FCRL3: variants seen among roughly 807,000 people sequenced by gnomAD.
FCRL3 encodes Fc receptor-like protein 3.
A neutral mutation model predicts 75.0 loss-of-function variants in FCRL3; 89 were observed. The observed-to-expected ratio is 1.19, with a 90% confidence interval of 1.00 to 1.42. The LOEUF (loss-of-function observed/expected upper bound fraction) is 1.42. Ranked by LOEUF, FCRL3 falls within the 40% of genes most tolerant of loss-of-function variation. The probability of loss-of-function intolerance (pLI) is 0.00; values close to 1 mark genes in which losing one functional copy is unlikely to be tolerated. For synonymous variants in FCRL3, 376 were observed against 348.5 expected (o/e 1.08, Z -0.88); for missense variants, 946 against 880.0 (o/e 1.07, Z -0.95).
At chr1:157,681,314 T>C (rs7546376) in intron 11 of FCRL3, among the ~76,000 whole-genome samples, 43,979 of 150,646 alleles carry the variant, frequency 0.29, 7,266 homozygotes, top group African/African-American at 0.45. Flanking sequence ...CATATGTATA[T>C]ATGTGCCATG....
At chr1:157,681,878 A>T (rs1415487507) in intron 11 of FCRL3, among the ~76,000 whole-genome samples, 1 of 151,918 alleles carries the variant, frequency 6.6e-6, no homozygotes, top group African/African-American at 2.4e-5. Context: ...AAGTGTTCCT[A>T]TTTCTCCACA....
intron 8 of FCRL3, among the ~76,000 whole-genome samples, chr1:157,693,490 A>G (rs1384742034): frequency 6.6e-6 from 1 of 152,130 alleles, no homozygotes; most frequent in Non-Finnish European, 1.5e-5. Context: ...TATATTGGTA[A>G]GATAAAGCTT....
In FCRL3 at chr1:157,678,060, G is replaced by A. The variant is rs184339431; in HGVS notation, c.*650C>T. The A allele has an allele frequency of 1.0e-6, 1 of 985,610 alleles. No individual in the cohort carries two copies. The highest frequency in any genetic ancestry group is 1.1e-4 in the East Asian group (1 of 8,822). 61.1% of individuals were successfully genotyped at this position (985,610 alleles called of 1,614,324 possible). The stretch of plus-strand genomic sequence containing the variant: ...ATTAATGTGATTCTTCACACATAAG[G>A]TCTTTGCAGTGGGGATACAAGTCAC... On this transcript the variant is annotated 3_prime_UTR_variant, in exon 15 of 15. Coordinates refer to ENST00000368184, the MANE Select transcript of FCRL3 (RefSeq NM_052939.4).
intron 11 of FCRL3, among the ~76,000 whole-genome samples, chr1:157,682,857 A>T (rs1030979369): frequency 7.9e-5 from 12 of 152,210 alleles, no homozygotes; most frequent in African/African-American, 4.8e-5. Context: ...CATTGCCAGC[A>T]TTCAATAATA....
Position 157,697,366 on chromosome 1 carries a change from G to C in FCRL3, c.618C>G (p.Pro206=), listed in dbSNP as rs774166384. The change falls in exon 6 of 15, where the codon CCC becomes CCG. Residue 206 remains proline, a synonymous_variant. Coordinates refer to ENST00000368184, the MANE Select transcript of FCRL3 (RefSeq NM_052939.4). ...ASSSTPIEGS[P]MTLTCETQLS... The stretch of plus-strand genomic sequence containing the variant: ...GCTGGGTCTCACAGGTCAGGGTCAT[G>C]GGACTCCCCTCTATGGGCGTGGAAG... 1.9e-6 allele frequency: 3 copies of C among 1,593,174 alleles called. No individual in the cohort carries two copies. Among genetic ancestry groups the C allele is most frequent in the African/African-American group, 2.7e-5 (2 of 74,048 alleles).
rs1438521660 is a variant in FCRL3, at chr1:157,698,501, C to CGT, written c.179_180dup (p.Asp61ThrfsTer6). ...TGTTTTATTTTCAACAACTTCTCAT[C>CGT]GTGATACCAATATGTGTCTCCCTGG... On this transcript the variant is annotated frameshift_variant, in exon 4 of 15. Transcript: ENST00000368184. LOFTEE classifies it high-confidence loss of function. 2 of 1,614,070 alleles carry CGT rather than the reference C, an allele frequency of 1.2e-6. No homozygotes were observed. Among genetic ancestry groups the CGT allele is most frequent in the African/African-American group, 2.7e-5 (2 of 74,924 alleles).
chr1:157,696,508 C>T (rs768507450), intron 6 of FCRL3, 181 bp from the exon 7 acceptor site: 16 of 603,986 alleles, frequency 2.6e-5, no homozygotes, highest in Non-Finnish European at 3.7e-5. Flanking sequence ...CTCTCACTCC[C>T]ACAACATTCC....
At chr1:157,681,300 G>A (rs1308187067) in intron 11 of FCRL3, among the ~76,000 whole-genome samples, 2 of 151,330 alleles carry the variant, frequency 1.3e-5, no homozygotes, top group Non-Finnish European at 2.9e-5. Context: ...GTGCAGGTTT[G>A]TTACATATGT....
At position 157,695,377 on chromosome 1, in the gene FCRL3, T is replaced by A. The variant is rs756403772; in HGVS notation, c.1363A>T (p.Asn455Tyr). 6.2e-7 allele frequency: 1 copy of A among 1,614,136 alleles called. No homozygotes were observed. Among genetic ancestry groups the A allele is most frequent in the Admixed American group, 1.7e-5 (1 of 60,010 alleles). ...HSGNYSCDADNGLGAQHSHGV... is the reference protein window; with the variant it reads ...HSGNYSCDADYGLGAQHSHGV... The stretch of plus-strand genomic sequence containing the variant: ...TGACTGTGCTGGGCCCCCAGGCCAT[T>A]GTCTGCATCACAGGAGTAGTTTCCA... Residue 455 changes from asparagine (N) to tyrosine (Y), a missense_variant, in exon 8 of 15, where the codon AAT becomes TAT. Asn to Tyr is a moderately radical substitution (Grantham distance 143). Transcript: ENST00000368184.
At chr1:157,690,107 A>G (rs943075847) in intron 9 of FCRL3, 148 bp downstream of exon 9, 3 of 1,298,168 alleles carry the variant, frequency 2.3e-6, no homozygotes, top group African/African-American at 1.5e-5. Flanking sequence ...TCCCTCTCCC[A>G]TATAAAATCA....
At chr1:157,697,525 C>G in intron 5 of FCRL3, 101 bp from the exon 6 acceptor site, 1 of 1,466,972 alleles carries the variant, frequency 6.8e-7, no homozygotes, top group Non-Finnish European at 9.2e-7. Flanking sequence ...GATAGAGAAG[C>G]ATGCAGAAGG....
At chr1:157,700,378 C>A in intron 2 of FCRL3, 81 bp downstream of exon 2, 1 of 1,603,720 alleles carries the variant, frequency 6.2e-7, no homozygotes, top group Non-Finnish European at 8.5e-7. Flanking sequence ...CAAGTAGAAG[C>A]AGAGATAGAA....
intron 3 of FCRL3, among the ~76,000 whole-genome samples, chr1:157,699,479 G>A (rs1325706959): frequency 4.6e-5 from 7 of 150,878 alleles, no homozygotes; most frequent in Admixed American, 4.6e-4. Context: ...CCTGTAGTCT[G>A]AGGAATACCG....
chr1:157,689,985 T>C (rs1655413374), intron 9 of FCRL3, 68 bp from the exon 10 acceptor site: 1 of 1,599,494 alleles, frequency 6.3e-7, no homozygotes, highest in Non-Finnish European at 8.6e-7. Flanking sequence ...ATCATGCAAG[T>C]AGGGTGAGTG....
Position 157,699,502 on chromosome 1 carries a change from G to GA in FCRL3, c.52+189dup, listed in dbSNP as rs74599050. ...CTGAGGAATACCGGTAATGTAGGGAGAAAAAAAAAAAAAAACCTAGAGACT... is the reference window on the plus strand; with the variant it reads ...CTGAGGAATACCGGTAATGTAGGGAGAAAAAAAAAAAAAAAACCTAGAGACT... On this transcript the variant is annotated intron_variant, in intron 3 of 14. Coordinates refer to ENST00000368184, the MANE Select transcript of FCRL3 (RefSeq NM_052939.4). Among the ~76,000 whole-genome samples the GA allele has an allele frequency of 5.0e-3, 656 of 131,404 alleles. 3 individuals carry two copies. Among genetic ancestry groups the GA allele is most frequent in the Middle Eastern group, 0.023 (6 of 256 alleles). The allele number at this position is 131,404 out of a possible 152,430, so 86.2% of individuals were successfully genotyped here. A position where few individuals can be genotyped will look rare whatever the true frequency, so the allele number is the denominator to read the frequency against.
In FCRL3 at chr1:157,677,709, C is replaced by G. The variant is rs894644407; in HGVS notation, c.*1001G>C. ...ACAATATGGATGAATCTTAGAAATA[C>G]AACATGAAGAGAAAGTACTAAAAAA... On this transcript the variant is annotated 3_prime_UTR_variant, in exon 15 of 15. Coordinates refer to ENST00000368184, the MANE Select transcript of FCRL3 (RefSeq NM_052939.4). 4.2e-6 allele frequency: 3 copies of G among 717,058 alleles called. No homozygotes were observed. Among genetic ancestry groups the G allele is most frequent in the Non-Finnish European group, 5.1e-6 (3 of 585,664 alleles). The allele number at this position is 717,058 out of a possible 1,614,324, so 44.4% of individuals were successfully genotyped here.
At position 157,700,500 on chromosome 1, in the gene FCRL3, C is replaced by T. The variant is rs945635; in HGVS notation, c.-11G>A. ...CAGCCACAGAAGCATGGGCACCGGC[C>T]GGGCAGAGGGTTGGGAAAGTCTGTC... On this transcript the variant is annotated 5_prime_UTR_variant, in exon 2 of 15. Coordinates refer to ENST00000368184, the MANE Select transcript of FCRL3 (RefSeq NM_052939.4). The T allele has an allele frequency of 1.9e-6, 3 of 1,613,706 alleles. No homozygotes were observed. Among genetic ancestry groups the T allele is most frequent in the Middle Eastern group, 1.6e-4 (1 of 6,062 alleles).
At chr1:157,699,322 G>A (rs1031560678) in intron 3 of FCRL3, among the ~76,000 whole-genome samples, 2 of 152,156 alleles carry the variant, frequency 1.3e-5, no homozygotes, top group Admixed American at 6.5e-5. Context: ...ATCTTCCTCC[G>A]TGGATGGGAT....
At chr1:157,700,296 T>C (rs1057440086) in intron 2 of FCRL3, among the ~76,000 whole-genome samples, 163 bp downstream of exon 2, 3 of 152,146 alleles carry the variant, frequency 2.0e-5, no homozygotes, top group Non-Finnish European at 4.4e-5. Context: ...ATGGTTGCAT[T>C]TGGAGCCTCT....
Sources: gnomAD v4.1 joint callset for allele counts (sites outside exome capture counted in the v4.1 genomes callset) on GRCh38, gnomAD v4.1.1 for gene constraint, MANE v1.5 for transcripts, NCBI Gene and HGNC (gene_info 2026-07-23, HGNC 2026-07-21) for gene names.